Variants in KCNN2 observed in about 807,000 individuals in gnomAD.
KCNN2 encodes small conductance calcium-activated potassium channel protein 2.
A neutral mutation model predicts 55.5 loss-of-function variants in KCNN2; 24 were observed. That is an observed-to-expected ratio of 0.43 (90% CI 0.31 to 0.61). The LOEUF (loss-of-function observed/expected upper bound fraction) is 0.61. KCNN2 is among the 20% of genes least tolerant of loss of function. The pLI is 0.08. For synonymous variants in KCNN2, 431 were observed against 336.1 expected, an observed-to-expected ratio of 1.28 and a Z score of -3.09; for missense variants, 754 against 853.6, an observed-to-expected ratio of 0.88 and a Z score of 1.45.
At chr5:114,330,630 C>CACAAGTT (rs1756801304) in intron 2 of KCNN2, among the ~76,000 whole-genome samples, 1 of 10,210 alleles carries the variant, frequency 9.8e-5, no homozygotes, top group Admixed American at 1.5e-3. Flanking sequence ...TCCAAGCCTC[C>CACAAGTT]TGTCCTCTTC....
chr5:114,453,912 C>T (rs149305259), intron 3 of KCNN2, among the ~76,000 whole-genome samples: 2 of 152,044 alleles, frequency 1.3e-5, no homozygotes, highest in East Asian at 3.9e-4. Context: ...CCTGTCAACC[C>T]GTCATCTAGG....
intron 1 of KCNN2, among the ~76,000 whole-genome samples, chr5:114,212,020 T>A (rs1753897373): frequency 1.3e-5 from 2 of 151,566 alleles, no homozygotes; most frequent in Non-Finnish European, 2.9e-5. Flanking sequence ...GAGCATGTAC[T>A]TATTACATTT....
At chr5:114,143,397 A>C (rs1752328873) in intron 1 of KCNN2, among the ~76,000 whole-genome samples, 1 of 152,194 alleles carries the variant, frequency 6.6e-6, no homozygotes, top group Admixed American at 6.5e-5. Flanking sequence ...GGTTACAAAC[A>C]ATCCATAGAA....
intron 3 of KCNN2, among the ~76,000 whole-genome samples, chr5:114,413,236 C>G (rs1005448802): frequency 1.3e-5 from 2 of 152,142 alleles, no homozygotes; most frequent in Non-Finnish European, 2.9e-5. Context: ...ATTCAATTTT[C>G]TCTTCTTTCT....
intron 1 of KCNN2, among the ~76,000 whole-genome samples, chr5:114,216,923 A>G (rs1318863130): frequency 1.3e-5 from 2 of 152,186 alleles, no homozygotes; most frequent in Non-Finnish European, 2.9e-5. Flanking sequence ...GTTGCAGGAT[A>G]CAAGGTAAAT....
rs557601403 is a variant in KCNN2, at chr5:114,305,090, A to C, written c.-184-55855A>C. Among the ~76,000 whole-genome samples, 7 of 152,344 alleles carry C rather than the reference A, an allele frequency of 4.6e-5. No individual in the cohort carries two copies. In the South Asian group the frequency reaches 1.4e-3, roughly 32 times the overall value. ...AATATTAGAAATTCTTAACTATAAT[A>C]GGAGACTATAAAGATTTAAACAGAA... On this transcript the variant is annotated intron_variant, in intron 2 of 10. Coordinates refer to the KCNN2 transcript ENST00000512097.
At chr5:114,429,790 A>G (rs1353268191) in intron 3 of KCNN2, among the ~76,000 whole-genome samples, 1 of 143,216 alleles carries the variant, frequency 7.0e-6, no homozygotes, top group Non-Finnish European at 1.5e-5. Flanking sequence ...TTTTGTGGGT[A>G]GAAAGGTGTA....
chr5:114,143,469 C>CTA (rs1188468660), intron 1 of KCNN2, among the ~76,000 whole-genome samples: 1 of 152,094 alleles, frequency 6.6e-6, no homozygotes, highest in African/African-American at 2.4e-5. Context: ...TGCCTTAACC[C>CTA]TAAAGAGGCC....
chr5:114,282,458 G>T (rs1471110701), intron 2 of KCNN2, among the ~76,000 whole-genome samples: 1 of 151,738 alleles, frequency 6.6e-6, no homozygotes, highest in Non-Finnish European at 1.5e-5. Context: ...TTAAGTTTTT[G>T]CTATTACTTT....
chr5:114,419,263 C>A (rs1290190781), intron 3 of KCNN2, among the ~76,000 whole-genome samples: 1 of 152,192 alleles, frequency 6.6e-6, no homozygotes, highest in Non-Finnish European at 1.5e-5. Context: ...GAATAGTTTT[C>A]ACATTTTTTA....
chr5:114,120,298 A>G (rs1751801842), intron 1 of KCNN2, among the ~76,000 whole-genome samples: 1 of 152,078 alleles, frequency 6.6e-6, no homozygotes, highest in African/African-American at 2.4e-5. Flanking sequence ...GTTGTCTCCT[A>G]TTTTATTCTG....
intron 6 of KCNN2, chr5:114,490,555 C>A (rs748352391): frequency 1.0e-5 from 4 of 394,340 alleles, no homozygotes; most frequent in Non-Finnish European, 1.8e-5. Flanking sequence ...TCCTGCAGAA[C>A]CATAACAGGA....
intron 1 of KCNN2, among the ~76,000 whole-genome samples, chr5:114,195,823 G>GT (rs1196644373): frequency 2.6e-5 from 4 of 151,922 alleles, no homozygotes; most frequent in South Asian, 2.1e-4. Context: ...TTAGCCGTAG[G>GT]TTTTTTGTAG....
chr5:114,321,371 G>A (rs183399844), intron 2 of KCNN2, among the ~76,000 whole-genome samples: 1 of 152,274 alleles, frequency 6.6e-6, no homozygotes, highest in African/African-American at 2.4e-5. Flanking sequence ...TCTGGTAGCA[G>A]CATGGGGCAG....
chr5:114,433,483 A>C (rs1759875124), intron 3 of KCNN2: 1 of 152,324 alleles, frequency 6.6e-6, no homozygotes, highest in African/African-American at 2.4e-5. Flanking sequence ...AGATAAGAGA[A>C]TAAAAGCAGG....
intron 2 of KCNN2, among the ~76,000 whole-genome samples, chr5:114,290,773 T>C (rs2150017413): frequency 6.6e-6 from 1 of 152,288 alleles, no homozygotes; most frequent in South Asian, 2.1e-4. Context: ...CCTAAGTTTC[T>C]TTAATGCTAT....
intron 2 of KCNN2, among the ~76,000 whole-genome samples, chr5:114,332,743 A>C (rs1324172431): frequency 6.6e-6 from 1 of 152,190 alleles, no homozygotes; most frequent in Admixed American, 6.5e-5. Flanking sequence ...ACATCAGCTG[A>C]AAGCCAGGGA....
intron 7 of KCNN2, among the ~76,000 whole-genome samples, chr5:114,494,818 G>C: frequency 6.6e-6 from 1 of 151,966 alleles, no homozygotes; most frequent in African/African-American, 2.4e-5. Flanking sequence ...CTCTGTCTCT[G>C]GTCAAACTGA....
At position 114,480,055 on chromosome 5, in the gene KCNN2, C is replaced by CA. The variant is rs201553507; in HGVS notation, c.1890+6900dup. ...GAAGACAGAGACACAAATAACCCTT[C>CA]AAAAAAAAATCAACAAATCCAGGAG... On this transcript the variant is annotated intron_variant, in intron 5 of 7. Transcript: ENST00000673685. Among the ~76,000 whole-genome samples, 551 of 149,606 alleles carry CA rather than the reference C, an allele frequency of 3.7e-3. 4 individuals carry two copies. The highest frequency in any genetic ancestry group is 0.011 in the African/African-American group (464 of 40,742).
Sources: gnomAD v4.1 joint callset for allele counts (sites outside exome capture counted in the v4.1 genomes callset) on GRCh38, gnomAD v4.1.1 for gene constraint, MANE v1.5 for transcripts, NCBI Gene and HGNC (gene_info 2026-07-23, HGNC 2026-07-21) for gene names.